The following PCDH9 variants were observed in gnomAD, a reference collection of about 807,000 sequenced individuals.
The protein encoded by PCDH9 is protocadherin-9.
A neutral mutation model predicts 70.6 loss-of-function variants in PCDH9; 24 were observed. The ratio of observed to expected loss-of-function variants is 0.34; its 90% CI spans 0.25 to 0.48. The LOEUF is 0.48. Ranked by LOEUF, PCDH9 falls within the 20% of genes least tolerant of loss-of-function variation. PCDH9 has a pLI of 0.99. For synonymous variants in PCDH9, 562 were observed against 558.5 expected (o/e 1.01, Z -0.09); for missense variants, 1,281 against 1,503.6 (o/e 0.85, Z 2.45).
At chr13:66,673,173 G>A (rs1248660640) in intron 3 of PCDH9, among the ~76,000 whole-genome samples, 1 of 152,114 alleles carries the variant, frequency 6.6e-6, no homozygotes. Context: ...GAGGGACCTG[G>A]TGGACGGTAA....
intron 4 of PCDH9, among the ~76,000 whole-genome samples, chr13:66,453,669 G>C (rs1023756380): frequency 3.3e-5 from 5 of 152,226 alleles, no homozygotes; most frequent in Non-Finnish European, 5.9e-5. Context: ...CATTTTGGGG[G>C]TTCACAGCAG....
chr13:66,865,581 G>C (rs1274296519), intron 3 of PCDH9, among the ~76,000 whole-genome samples: 1 of 152,064 alleles, frequency 6.6e-6, no homozygotes, highest in African/African-American at 2.4e-5. Flanking sequence ...ATAGACATTT[G>C]ATAATTTCCA....
intron 4 of PCDH9, among the ~76,000 whole-genome samples, chr13:66,334,915 T>C (rs1047371724): frequency 1.3e-5 from 2 of 152,132 alleles, no homozygotes; most frequent in African/African-American, 4.8e-5. Flanking sequence ...AGCATATTTT[T>C]ATTCATTAAT....
intron 2 of PCDH9, chr13:67,202,238 G>T (rs1404538568): frequency 1.3e-5 from 2 of 151,836 alleles, no homozygotes; most frequent in Non-Finnish European, 1.5e-5. Context: ...AATGTACTTT[G>T]CACTTAAATA....
At chr13:66,725,833 T>C (rs1446258293) in intron 3 of PCDH9, among the ~76,000 whole-genome samples, 1 of 152,202 alleles carries the variant, frequency 6.6e-6, no homozygotes, top group Non-Finnish European at 1.5e-5. Context: ...ATCAATTTTA[T>C]TCCCCTGGGA....
intron 2 of PCDH9, among the ~76,000 whole-genome samples, chr13:67,183,283 A>G (rs955392349): frequency 2.0e-5 from 3 of 152,146 alleles, no homozygotes; most frequent in African/African-American, 2.4e-5. Context: ...TAAGAAAAAA[A>G]ACACAAAACT....
chr13:66,779,072 T>C (rs961471329), intron 3 of PCDH9, among the ~76,000 whole-genome samples: 8 of 152,184 alleles, frequency 5.3e-5, no homozygotes, highest in African/African-American at 1.9e-4. Flanking sequence ...CAATATTTCA[T>C]ATTTTTAAAT....
intron 3 of PCDH9, among the ~76,000 whole-genome samples, chr13:66,844,705 G>C (rs766531037): frequency 5.3e-5 from 8 of 152,074 alleles, no homozygotes; most frequent in Non-Finnish European, 1.0e-4. Flanking sequence ...TTCATGCAAT[G>C]GTTGTTTTGG....
At chr13:67,203,957 T>C (rs537750886) in intron 2 of PCDH9, 1 of 152,120 alleles carries the variant, frequency 6.6e-6, no homozygotes, top group African/African-American at 2.4e-5. Flanking sequence ...AAATAAATAG[T>C]AGGCATTAGG....
intron 3 of PCDH9, among the ~76,000 whole-genome samples, chr13:66,890,275 A>G (rs1372832369): frequency 6.6e-6 from 1 of 152,034 alleles, no homozygotes; most frequent in African/African-American, 2.4e-5. Context: ...ACTTTTTAAA[A>G]TGTCAGGTTT....
At chr13:66,554,253 C>G (rs2138687517) in intron 4 of PCDH9, among the ~76,000 whole-genome samples, 1 of 152,168 alleles carries the variant, frequency 6.6e-6, no homozygotes, top group South Asian at 2.1e-4. Flanking sequence ...AAGCCACATA[C>G]TTATTTTCTA....
intron 3 of PCDH9, among the ~76,000 whole-genome samples, chr13:66,824,942 A>T (rs1383374839): frequency 6.6e-6 from 1 of 151,442 alleles, no homozygotes; most frequent in Non-Finnish European, 1.5e-5. Context: ...CAGGTATCTC[A>T]AGCTGCAGGG....
chr13:66,982,254 G>GT (rs1417640941), intron 2 of PCDH9, among the ~76,000 whole-genome samples: 1 of 152,186 alleles, frequency 6.6e-6, no homozygotes, highest in Non-Finnish European at 1.5e-5. Context: ...ACAGCCTGCA[G>GT]TGAGTGCTTG....
chr13:67,075,540 G>T (rs1566407629), intron 2 of PCDH9, among the ~76,000 whole-genome samples: 2 of 151,462 alleles, frequency 1.3e-5, no homozygotes, highest in African/African-American at 2.4e-5. Flanking sequence ...ATCATGATGG[G>T]TTTTTTTTCT....
At chr13:67,168,252 C>A (rs2088177328) in intron 2 of PCDH9, among the ~76,000 whole-genome samples, 1 of 152,178 alleles carries the variant, frequency 6.6e-6, no homozygotes, top group Non-Finnish European at 1.5e-5. Flanking sequence ...TATATAATCC[C>A]TCTGCTAAGC....
chr13:66,583,585 G>A (rs969608191), intron 4 of PCDH9, among the ~76,000 whole-genome samples: 2 of 151,672 alleles, frequency 1.3e-5, no homozygotes, highest in African/African-American at 4.8e-5. Flanking sequence ...CTGTACTCCA[G>A]TCTGGGTGAC....
intron 3 of PCDH9, among the ~76,000 whole-genome samples, chr13:66,771,562 T>C (rs1163008487): frequency 1.3e-5 from 2 of 152,214 alleles, no homozygotes; most frequent in African/African-American, 4.8e-5. Flanking sequence ...CCAAGTCATA[T>C]GCCATCTTCC....
intron 4 of PCDH9, among the ~76,000 whole-genome samples, chr13:66,346,245 G>C (rs531102012): frequency 4.6e-5 from 7 of 152,056 alleles, no homozygotes; most frequent in Middle Eastern, 3.4e-3. Flanking sequence ...TTGATTGCTC[G>C]CAAACACTCC....
intron 3 of PCDH9, chr13:66,858,880 G>C (rs2081437172): frequency 6.6e-6 from 1 of 152,154 alleles, no homozygotes; most frequent in African/African-American, 2.4e-5. Context: ...GCTGACAACA[G>C]ACACTTAATG....
Sources: allele counts gnomAD v4.1 joint callset (sites outside exome capture counted in the v4.1 genomes callset), GRCh38; gene constraint gnomAD v4.1.1; transcripts MANE v1.5; gene names NCBI Gene and HGNC (gene_info 2026-07-23, HGNC 2026-07-21).